Variants in CHCHD3 observed in about 807,000 individuals in gnomAD.
CHCHD3 encodes the protein MICOS complex subunit MIC19.
Under a neutral mutation model 38.2 loss-of-function variants are expected in CHCHD3, and 20 were observed. The ratio of observed to expected loss-of-function variants is 0.52; its 90% CI spans 0.37 to 0.76. The LOEUF (loss-of-function observed/expected upper bound fraction) is 0.76. Among genes scored for constraint, CHCHD3 ranks in the 30% least tolerant of loss-of-function variants. The probability of loss-of-function intolerance (pLI) is 0.00; values close to 1 mark genes in which losing one functional copy is unlikely to be tolerated. For synonymous variants in CHCHD3, 82 were observed against 100.0 expected (o/e 0.82, Z 1.07); for missense variants, 245 against 279.2 (o/e 0.88, Z 0.87).
chr7:132,885,535 C>A, intron 5 of CHCHD3, 127 bp downstream of exon 5: 1 of 685,112 alleles, frequency 1.5e-6, no homozygotes, highest in South Asian at 2.1e-5. Flanking sequence ...ACCTGCTTTG[C>A]TTCTTCACTT....
At chr7:132,826,801 G>C (rs1231660434) in intron 6 of CHCHD3, among the ~76,000 whole-genome samples, 6 of 152,190 alleles carry the variant, frequency 3.9e-5, no homozygotes, top group Admixed American at 2.0e-4. Flanking sequence ...CTGTACAAAT[G>C]TTTCATTCAC....
intron 3 of CHCHD3, among the ~76,000 whole-genome samples, chr7:133,010,825 C>T (rs1476369942): frequency 2.6e-5 from 4 of 152,058 alleles, no homozygotes; most frequent in South Asian, 2.1e-4. Flanking sequence ...GTGATCCGCC[C>T]GCCTCGGCCT....
intron 4 of CHCHD3, among the ~76,000 whole-genome samples, chr7:132,890,218 T>C (rs1008225436): frequency 6.6e-6 from 1 of 152,204 alleles, no homozygotes; most frequent in African/African-American, 2.4e-5. Context: ...TAACTTGGTG[T>C]TGATAGCTAG....
intron 7 of CHCHD3, among the ~76,000 whole-genome samples, chr7:132,787,880 T>A (rs1346517662): frequency 3.3e-5 from 5 of 152,030 alleles, no homozygotes; most frequent in African/African-American, 1.2e-4. Context: ...AGGAGGTAAA[T>A]TAGAAAAGCT....
chr7:132,895,578 C>T (rs150514544), intron 4 of CHCHD3, among the ~76,000 whole-genome samples: 6 of 152,370 alleles, frequency 3.9e-5, no homozygotes, highest in South Asian at 2.1e-4. Context: ...ACGGGACCCA[C>T]TGGGAAGTAA....
At chr7:132,959,501 T>C (rs997882998) in intron 4 of CHCHD3, among the ~76,000 whole-genome samples, 1 of 151,978 alleles carries the variant, frequency 6.6e-6, no homozygotes, top group African/African-American at 2.4e-5. Context: ...GGTGGGTACA[T>C]CATTTGAGGT....
intron 2 of CHCHD3, among the ~76,000 whole-genome samples, chr7:133,046,398 T>C (rs933230829): frequency 6.6e-6 from 1 of 152,240 alleles, no homozygotes; most frequent in African/African-American, 2.4e-5. Flanking sequence ...CACATTACAA[T>C]AGTTTCAGAC....
At chr7:133,000,278 C>G (rs762264498) in intron 3 of CHCHD3, among the ~76,000 whole-genome samples, 1 of 152,136 alleles carries the variant, frequency 6.6e-6, no homozygotes, top group Admixed American at 6.6e-5. Flanking sequence ...CAGTCCTAAT[C>G]CTATCAGGTA....
intron 1 of CHCHD3, among the ~76,000 whole-genome samples, chr7:133,077,712 G>C (rs1240131579): frequency 6.6e-6 from 1 of 152,138 alleles, no homozygotes; most frequent in Non-Finnish European, 1.5e-5. Context: ...GAAAATGCTT[G>C]GTCTTTCCTC....
At chr7:133,022,336 A>G (rs1813205519) in intron 3 of CHCHD3, 1 of 455,124 alleles carries the variant, frequency 2.2e-6, no homozygotes, top group Non-Finnish European at 4.4e-6. Flanking sequence ...TATGAGTAAC[A>G]GTACAAAGGC....
At chr7:132,830,095 A>G (rs894646323) in intron 6 of CHCHD3, among the ~76,000 whole-genome samples, 11 of 152,242 alleles carry the variant, frequency 7.2e-5, no homozygotes, top group Non-Finnish European at 1.5e-5. Flanking sequence ...CTAAAAAGAA[A>G]GTAAATAACT....
chr7:132,970,257 C>T (rs1190501426), intron 4 of CHCHD3, among the ~76,000 whole-genome samples: 2 of 152,218 alleles, frequency 1.3e-5, no homozygotes, highest in Non-Finnish European at 2.9e-5. Flanking sequence ...GCAAATCCTA[C>T]TCATACTTCA....
At chr7:133,070,614 G>A (rs1019337588) in intron 1 of CHCHD3, among the ~76,000 whole-genome samples, 1 of 151,982 alleles carries the variant, frequency 6.6e-6, no homozygotes, top group Admixed American at 6.6e-5. Context: ...TAGTCCCGAA[G>A]GAAAGTGTTC....
chr7:132,812,099 T>TA (rs1344292132), intron 6 of CHCHD3, among the ~76,000 whole-genome samples: 1 of 151,996 alleles, frequency 6.6e-6, no homozygotes, highest in African/African-American at 2.4e-5. Flanking sequence ...TTGTCCTTGA[T>TA]ACCTCCCCCT....
chr7:133,028,444 T>C (rs937977005), intron 2 of CHCHD3, among the ~76,000 whole-genome samples: 1 of 152,114 alleles, frequency 6.6e-6, no homozygotes, highest in Non-Finnish European at 1.5e-5. Flanking sequence ...GTTTCTCCCC[T>C]TCAAAACTCA....
intron 4 of CHCHD3, among the ~76,000 whole-genome samples, chr7:132,931,832 G>A (rs907304245): frequency 4.0e-5 from 6 of 151,896 alleles, no homozygotes; most frequent in South Asian, 2.1e-4. Context: ...CCCCTACCCC[G>A]ACACACACAT....
At chr7:132,968,850 C>A (rs1207669986) in intron 4 of CHCHD3, among the ~76,000 whole-genome samples, 1 of 152,174 alleles carries the variant, frequency 6.6e-6, no homozygotes, top group Non-Finnish European at 1.5e-5. Context: ...TTGGATAGAA[C>A]CTCACTTGGA....
chr7:133,024,839 G>C (rs892287370), intron 2 of CHCHD3, among the ~76,000 whole-genome samples: 1 of 152,152 alleles, frequency 6.6e-6, no homozygotes, highest in Non-Finnish European at 1.5e-5. Context: ...TAGTGACCTA[G>C]ATTTCCACTC....
chr7:133,019,036 A>C (rs886343871), intron 3 of CHCHD3, among the ~76,000 whole-genome samples: 37 of 151,936 alleles, frequency 2.4e-4, no homozygotes, highest in African/African-American at 8.9e-4. Flanking sequence ...GGCTTGTGCC[A>C]CCACACCCAG....
Sources: gnomAD v4.1 joint callset for allele counts (sites outside exome capture counted in the v4.1 genomes callset) on GRCh38, gnomAD v4.1.1 for gene constraint, MANE v1.5 for transcripts, NCBI Gene and HGNC (gene_info 2026-07-23, HGNC 2026-07-21) for gene names.